The following FAM53A variants were observed in gnomAD, a reference collection of about 807,000 sequenced individuals.
FAM53A encodes the protein protein FAM53A.
Under a neutral mutation model 26.6 loss-of-function variants are expected in FAM53A, and 28 were observed. The ratio of observed to expected loss-of-function variants is 1.05; its 90% CI spans 0.78 to 1.45. The LOEUF (loss-of-function observed/expected upper bound fraction) is 1.45. Among genes scored for constraint, FAM53A ranks in the 40% most tolerant of loss-of-function variants. FAM53A has a pLI of 0.00. For missense variants in FAM53A, 650 were observed against 575.8 expected, an observed-to-expected ratio of 1.13 and a Z score of -1.32; for synonymous variants, 290 against 253.1, an observed-to-expected ratio of 1.15 and a Z score of -1.38.
intron 1 of FAM53A, among the ~76,000 whole-genome samples, chr4:1,627,367 C>T (rs568416443): frequency 1.3e-5 from 2 of 152,334 alleles, no homozygotes; most frequent in African/African-American, 4.8e-5. Flanking sequence ...GACAGAGCAG[C>T]CGTGAACTGC....
At chr4:1,669,036 TC>T (rs1445007077) in intron 1 of FAM53A, 131 bp from the exon 2 acceptor site, 1 of 346,330 alleles carries the variant, frequency 2.9e-6, no homozygotes, top group African/African-American at 2.1e-5. Flanking sequence ...CCTCCCATTT[TC>T]AAAACTACCA....
chr4:1,637,272 A>G (rs913301842), downstream of FAM53A, among the ~76,000 whole-genome samples: 1 of 152,152 alleles, frequency 6.6e-6, no homozygotes, highest in Non-Finnish European at 1.5e-5. Flanking sequence ...CTGTGACTGC[A>G]GGGGACTGGC....
At chr4:1,626,356 C>T (rs369019524) in intron 1 of FAM53A, among the ~76,000 whole-genome samples, 29 of 152,358 alleles carry the variant, frequency 1.9e-4, no homozygotes, top group African/African-American at 7.0e-4. Flanking sequence ...CTGACCCAGA[C>T]AGCAGAGCCC....
At chr4:1,592,910 G>T in the FAM53A span, among the ~76,000 whole-genome samples, 1 of 151,986 alleles carries the variant, frequency 6.6e-6, no homozygotes. Flanking sequence ...ACATGGCCGA[G>T]GTCCTGGCTG....
At chr4:1,593,710 A>G in the FAM53A span, among the ~76,000 whole-genome samples, 2 of 152,186 alleles carry the variant, frequency 1.3e-5, no homozygotes, top group Admixed American at 1.3e-4. Flanking sequence ...ACACGGCTCT[A>G]AGTGGTGGAG....
downstream of FAM53A, among the ~76,000 whole-genome samples, chr4:1,638,466 A>G (rs1293758279): frequency 6.6e-6 from 1 of 152,098 alleles, no homozygotes; most frequent in Non-Finnish European, 1.5e-5. Flanking sequence ...ACCGAGGGGA[A>G]TGGCCCTGGG....
chr4:1,612,586 C>T, the FAM53A span, among the ~76,000 whole-genome samples: 11,046 of 152,300 alleles, frequency 0.073, 1,388 homozygotes, highest in African/African-American at 0.25. Context: ...TAAACACGCA[C>T]ATGGCAGGTG....
At chr4:1,652,540 C>G (rs1394052424) in intron 4 of FAM53A, among the ~76,000 whole-genome samples, 3 of 147,692 alleles carry the variant, frequency 2.0e-5, no homozygotes, top group Non-Finnish European at 4.5e-5. Context: ...ACCATACACA[C>G]AGGCCACACC....
chr4:1,596,703 C>T, the FAM53A span, among the ~76,000 whole-genome samples: 8 of 152,232 alleles, frequency 5.3e-5, no homozygotes, highest in African/African-American at 1.7e-4. Flanking sequence ...CCGTGCCACA[C>T]GGTACATGCG....
chr4:1,683,120 A>G (rs1303513854), intron 1 of FAM53A, among the ~76,000 whole-genome samples: 1 of 152,222 alleles, frequency 6.6e-6, no homozygotes, highest in Non-Finnish European at 1.5e-5. Context: ...GAAAACTACA[A>G]TTGTCTGAAA....
downstream of FAM53A, among the ~76,000 whole-genome samples, chr4:1,614,579 G>A (rs527639236): frequency 7.2e-5 from 11 of 152,060 alleles, no homozygotes; most frequent in African/African-American, 9.7e-5. Context: ...CCAGAGCAGC[G>A]TCACCGCAGC....
the FAM53A span, among the ~76,000 whole-genome samples, chr4:1,590,469 G>A: frequency 1.3e-5 from 2 of 152,002 alleles, no homozygotes; most frequent in African/African-American, 4.8e-5. Flanking sequence ...TCTCACCCAG[G>A]TCCAGCCCTG....
intron 2 of FAM53A, among the ~76,000 whole-genome samples, chr4:1,662,874 T>A (rs968332508): frequency 6.6e-6 from 1 of 151,884 alleles, no homozygotes; most frequent in Non-Finnish European, 1.5e-5. Context: ...ATCAAAAAAA[T>A]GGACAATAAC....
chr4:1,630,913 C>T lies in FAM53A; in HGVS notation c.432-12802G>A, dbSNP rs948228268. On this transcript the variant is annotated intron_variant, in intron 1 of 1. Coordinates refer to the FAM53A transcript ENST00000489029. This position sits in a 1 kb window ranked among gnomAD's most constrained non-coding sequence, Gnocchi z 4.3. ...TATGTTGAGGCTGGGCACCATGGCACGCGCCTGCAGTCCCAGCACTTTGGG... is the reference window on the plus strand; with the variant it reads ...TATGTTGAGGCTGGGCACCATGGCATGCGCCTGCAGTCCCAGCACTTTGGG... Among the ~76,000 whole-genome samples the T allele has an allele frequency of 2.0e-5, 3 of 152,170 alleles. No individual in the cohort carries two copies. The highest frequency in any genetic ancestry group is 4.4e-5 in the Non-Finnish European group (3 of 68,028).
At chr4:1,634,926 A>G (rs181239863), downstream of FAM53A, among the ~76,000 whole-genome samples, 2 of 152,074 alleles carry the variant, frequency 1.3e-5, no homozygotes, top group Admixed American at 1.3e-4. Context: ...AAAAAATAAA[A>G]TCATCTGGGG....
intron 4 of FAM53A, among the ~76,000 whole-genome samples, chr4:1,652,353 A>G (rs573983587): frequency 9.9e-5 from 14 of 141,372 alleles, no homozygotes; most frequent in Middle Eastern, 4.2e-3. Context: ...CACACACCAC[A>G]CGTCACACGC....
At chr4:1,666,856 G>A (rs916658319) in intron 2 of FAM53A, among the ~76,000 whole-genome samples, 3 of 152,240 alleles carry the variant, frequency 2.0e-5, no homozygotes, top group South Asian at 2.1e-4. Flanking sequence ...TAGGCTGGGT[G>A]TGGTGGCTCA....
rs560404229 is a variant in FAM53A at position 1,666,414 on chromosome 4, C to T, written c.75+2253G>A. 2.7e-5 allele frequency among the ~76,000 whole-genome samples: 4 copies of T among 150,412 alleles called. No individual in the cohort carries two copies. In the South Asian group the frequency reaches 8.4e-4, roughly 32 times the overall value. On this transcript the variant is annotated intron_variant, in intron 2 of 4. Coordinates refer to ENST00000308132, the MANE Select transcript of FAM53A (RefSeq NM_001174070.3). ...TCTAAAATAAAACCTGCACCTGTAC[C>T]CCCCTGTATCTAAAATAAAAGCTGA...
At position 1,679,694 on chromosome 4, in the gene FAM53A, A is replaced by G. The variant is rs1715281359; in HGVS notation, c.-165+4539T>C. ...AGAGGGAAACTCCATTAAAAAAAAAAAAAAAAAAAAGAACCCAACCCAACT... is the reference window on the plus strand; with the variant it reads ...AGAGGGAAACTCCATTAAAAAAAAAGAAAAAAAAAAGAACCCAACCCAACT... On this transcript the variant is annotated intron_variant, in intron 1 of 4. Transcript: ENST00000308132. 2.0e-5 allele frequency among the ~76,000 whole-genome samples: 3 copies of G among 150,868 alleles called. 1 individual carries two copies. In the South Asian group the frequency reaches 6.2e-4, roughly 31 times the overall value.
Sources: gnomAD v4.1 joint callset for allele counts (sites outside exome capture counted in the v4.1 genomes callset) on GRCh38, gnomAD v4.1.1 for gene constraint, Gnocchi (gnomAD v3.1) non-coding constraint, MANE v1.5 for transcripts, NCBI Gene and HGNC (gene_info 2026-07-23, HGNC 2026-07-21) for gene names.